Variants in GSE1 observed in about 807,000 individuals in gnomAD.
GSE1 encodes the protein genetic suppressor element 1.
A neutral mutation model predicts 112.6 loss-of-function variants in GSE1; 32 were observed. The observed-to-expected ratio is 0.28, with a 90% confidence interval of 0.21 to 0.38. The LOEUF (loss-of-function observed/expected upper bound fraction) is 0.38. Among genes scored for constraint, GSE1 ranks in the 10% least tolerant of loss-of-function variants. GSE1 has a pLI of 1.00. For missense variants in GSE1, 2,348 were observed against 1,699.2 expected (o/e 1.38, Z -6.71); for synonymous variants, 1,115 against 735.6 (o/e 1.52, Z -8.35).
chr16:85,539,692 T>G (rs1331972053), intron 2 of GSE1, among the ~76,000 whole-genome samples: 1 of 152,190 alleles, frequency 6.6e-6, no homozygotes, highest in Middle Eastern at 3.2e-3. Flanking sequence ...CATGTCACGT[T>G]GAAGGGAAAT....
chr16:85,674,097 CCTCACCAGAGGCCAGGGCT>C lies in GSE1; in HGVS notation c.*1559_*1577del, dbSNP rs1238428589. 6.6e-6 allele frequency: 1 copy of C among 152,272 alleles called. No homozygotes were observed. The highest frequency in any genetic ancestry group is 1.5e-5 in the Non-Finnish European group (1 of 68,078). 9.4% of individuals were successfully genotyped at this position (152,272 alleles called of 1,614,324 possible). A position where few individuals can be genotyped will look rare whatever the true frequency, so the allele number is the denominator to read the frequency against. ...GAAGGCCTCTCTTGCTCCCAAGGGC[CCTCACCAGAGGCCAGGGCT>C]GCCAGTCACTGGTCTGGGGGGTGGA... On this transcript the variant is annotated 3_prime_UTR_variant, in exon 16 of 16. Coordinates refer to ENST00000253458, the MANE Select transcript of GSE1 (RefSeq NM_014615.5).
chr16:85,350,826 C>T (rs1308087145), intron 1 of GSE1, among the ~76,000 whole-genome samples: 1 of 152,174 alleles, frequency 6.6e-6, no homozygotes, highest in Non-Finnish European at 1.5e-5. Flanking sequence ...ACCCAGGCTG[C>T]AGTGCAGTGG....
intron 2 of GSE1, among the ~76,000 whole-genome samples, chr16:85,507,710 G>A (rs2051586902): frequency 6.6e-6 from 1 of 152,112 alleles, no homozygotes; most frequent in South Asian, 2.1e-4. Flanking sequence ...GGCCACCCGG[G>A]TGACCTCATT....
intron 1 of GSE1, among the ~76,000 whole-genome samples, chr16:85,556,911 G>A (rs1227773831): frequency 1.3e-5 from 2 of 152,042 alleles, no homozygotes; most frequent in Non-Finnish European, 2.9e-5. Context: ...GAGGGGGCCG[G>A]GGAAGCTCAG....
In GSE1 at chr16:85,493,403, A is replaced by C. The variant is rs181327207; in HGVS notation, c.2464+135760A>C. Among the ~76,000 whole-genome samples the C allele has an allele frequency of 5.3e-5, 8 of 152,176 alleles. No individual in the cohort carries two copies. The East Asian group carries it at 1.6e-3, about 30-fold the overall frequency. On this transcript the variant is annotated intron_variant, in intron 2 of 2. Transcript: ENST00000637419. ...GGAGGCTGCAGTAAACTATGATCAC[A>C]CTGCTGTACTCCAGCATGGCCAACA...
chr16:85,246,389 ACCC>A (rs1905764749), intron 1 of GSE1, among the ~76,000 whole-genome samples: 1 of 101,450 alleles, frequency 9.9e-6, no homozygotes. Flanking sequence ...CTACACACAC[ACCC>A]CACACGCTGT....
intron 2 of GSE1, among the ~76,000 whole-genome samples, chr16:85,437,056 C>T (rs964108744): frequency 9.2e-5 from 14 of 152,142 alleles, no homozygotes; most frequent in South Asian, 6.2e-4. Context: ...ATGGCGGGGG[C>T]GGGGGCATGG....
chr16:85,466,263 T>C (rs960509196), intron 2 of GSE1, among the ~76,000 whole-genome samples: 3 of 152,170 alleles, frequency 2.0e-5, no homozygotes, highest in African/African-American at 4.8e-5. Context: ...AGTGCTCTCA[T>C]TGTGCTTGGA....
intron 1 of GSE1, chr16:85,593,653 G>A (rs1464814439): frequency 6.7e-6 from 1 of 148,532 alleles, no homozygotes; most frequent in African/African-American, 2.5e-5. Context: ...GCTAGCGCCT[G>A]CCTGTGTGAA....
intron 2 of GSE1, among the ~76,000 whole-genome samples, chr16:85,434,557 C>T (rs1417390885): frequency 6.6e-6 from 1 of 152,176 alleles, no homozygotes; most frequent in Non-Finnish European, 1.5e-5. Context: ...GCAGCTCATG[C>T]CTGTAATCCC....
At chr16:85,170,911 G>T in exon 1 of GSE1, 1 of 985,612 alleles carries the variant, frequency 1.0e-6, no homozygotes, top group Non-Finnish European at 1.2e-6. Context: ...GGCCTCTAAG[G>T]GCAGGAGGCT....
chr16:85,673,362 TTTTATTAC>T lies in GSE1; in HGVS notation c.*828_*835del, dbSNP rs1215653878. ...AAAAAAAAAACAAAGTTTTGTATGTTTTTATTACTTTAACTATTGTTATAAAAAGCCTG... is the reference window on the plus strand; with the variant it reads ...AAAAAAAAAACAAAGTTTTGTATGTTTTTAACTATTGTTATAAAAAGCCTG... On this transcript the variant is annotated 3_prime_UTR_variant, in exon 16 of 16. Transcript: ENST00000253458. 1 of 152,582 alleles carries T rather than the reference TTTTATTAC, an allele frequency of 6.6e-6. No individual in the cohort carries two copies. The highest frequency in any genetic ancestry group is 1.9e-4 in the East Asian group (1 of 5,190). 9.5% of individuals were successfully genotyped at this position (152,582 alleles called of 1,614,324 possible). A position where few individuals can be genotyped will look rare whatever the true frequency, so the allele number is the denominator to read the frequency against.
intron 2 of GSE1, among the ~76,000 whole-genome samples, chr16:85,455,090 G>C (rs577512887): frequency 6.6e-6 from 1 of 152,250 alleles, no homozygotes; most frequent in Non-Finnish European, 1.5e-5. Context: ...TCAGAGGAGC[G>C]GGTTGGGGTG....
At chr16:85,290,858 C>T (rs954658085) in intron 1 of GSE1, among the ~76,000 whole-genome samples, 5 of 152,328 alleles carry the variant, frequency 3.3e-5, no homozygotes, top group South Asian at 4.1e-4. Context: ...GCAGTCCCCT[C>T]GTCCCTGAGC....
intron 2 of GSE1, among the ~76,000 whole-genome samples, chr16:85,480,766 G>T (rs1029003283): frequency 4.6e-5 from 7 of 152,282 alleles, no homozygotes; most frequent in Non-Finnish European, 8.8e-5. Context: ...GTCAGGTCCA[G>T]GGCCCCCATC....
chr16:85,170,549 G>T, exon 1 of GSE1: 4 of 985,814 alleles, frequency 4.1e-6, no homozygotes, highest in Non-Finnish European at 4.8e-6. Flanking sequence ...CCAGGCGTCT[G>T]CAACCCCAAA....
intron 1 of GSE1, among the ~76,000 whole-genome samples, chr16:85,613,728 G>C (rs1013809821): frequency 2.7e-5 from 4 of 150,632 alleles, no homozygotes; most frequent in African/African-American, 9.8e-5. Context: ...GGGGGTGGCG[G>C]GGGGAGTCTC....
intron 1 of GSE1, among the ~76,000 whole-genome samples, chr16:85,219,175 G>A (rs1461538214): frequency 6.6e-6 from 1 of 152,122 alleles, no homozygotes; most frequent in Non-Finnish European, 1.5e-5. Context: ...ACCGCGCCCG[G>A]CCTAATTTTT....
At chr16:85,574,385 C>T (rs763898664) in intron 1 of GSE1, among the ~76,000 whole-genome samples, 1 of 152,228 alleles carries the variant, frequency 6.6e-6, no homozygotes, top group Non-Finnish European at 1.5e-5. Flanking sequence ...TAGGAGGGCT[C>T]TTCTTGACAC....
Sources: allele counts gnomAD v4.1 joint callset (sites outside exome capture counted in the v4.1 genomes callset), GRCh38; gene constraint gnomAD v4.1.1; transcripts MANE v1.5; gene names NCBI Gene and HGNC (gene_info 2026-07-23, HGNC 2026-07-21).